The following SLC7A13 variants were observed in gnomAD, a reference collection of about 807,000 sequenced individuals.
SLC7A13 encodes the protein solute carrier family 7 member 13.
Under a neutral mutation model 32.0 loss-of-function variants are expected in SLC7A13, and 31 were observed. The ratio of observed to expected loss-of-function variants is 0.97; its 90% confidence interval spans 0.73 to 1.31. The LOEUF (loss-of-function observed/expected upper bound fraction) is 1.31, where lower values mean the gene tolerates loss of function less well. Among genes scored for constraint, SLC7A13 ranks in the 50% most tolerant of loss-of-function variants. The pLI, the probability that SLC7A13 is intolerant of heterozygous loss-of-function variation, is 0.00. For synonymous variants in SLC7A13, 232 were observed against 206.9 expected (o/e 1.12, Z -1.04); for missense variants, 633 against 546.9 (o/e 1.16, Z -1.57).
chr8:86,223,127 C>A, intron 1 of SLC7A13, 24 bp from the exon 2 acceptor site: 1 of 1,535,526 alleles, frequency 6.5e-7, no homozygotes, highest in Non-Finnish European at 8.7e-7. Context: ...GAGGACACAA[C>A]CATAATTGGT....
chr8:86,226,188 T>G (rs951276506), intron 1 of SLC7A13, among the ~76,000 whole-genome samples: 8 of 152,150 alleles, frequency 5.3e-5, no homozygotes, highest in Non-Finnish European at 1.5e-5. Flanking sequence ...ATGAAACATC[T>G]CTGCAATGGG....
chr8:86,214,706 T>TA (rs1201542603), intron 3 of SLC7A13, 60 bp from the exon 4 acceptor site: 3 of 1,161,654 alleles, frequency 2.6e-6, no homozygotes, highest in East Asian at 2.5e-5. Flanking sequence ...GATACCTGCA[T>TA]ATTCATATAA....
At chr8:86,222,122 G>C (rs1404503946) in intron 2 of SLC7A13, among the ~76,000 whole-genome samples, 1 of 152,030 alleles carries the variant, frequency 6.6e-6, no homozygotes, top group Non-Finnish European at 1.5e-5. Context: ...CATAAGAATT[G>C]AGGCAAAGTT....
intron 1 of SLC7A13, among the ~76,000 whole-genome samples, chr8:86,225,191 CTA>C (rs1358114749): frequency 1.3e-5 from 2 of 152,124 alleles, no homozygotes; most frequent in East Asian, 3.9e-4. Flanking sequence ...TATCATTTGA[CTA>C]TATCAAATTT....
At position 86,217,842 on chromosome 8, in the gene SLC7A13, A is replaced by G. The variant is rs1290686988; in HGVS notation, c.818-11T>C. On this transcript the variant is annotated splice_polypyrimidine_tract_variant and intron_variant, in intron 2 of 3. Transcript: ENST00000297524. ...TGATAGCTACAGCATCTGCAGAAAAACAAAAATACACAAAAGAAAATGTGT... is the reference window on the plus strand; with the variant it reads ...TGATAGCTACAGCATCTGCAGAAAAGCAAAAATACACAAAAGAAAATGTGT... 12 of 1,500,764 alleles carry G rather than the reference A, an allele frequency of 8.0e-6. No homozygotes were observed. The highest frequency in any genetic ancestry group is 9.7e-6 in the Non-Finnish European group (11 of 1,128,454). 93.0% of individuals were successfully genotyped at this position (1,500,764 alleles called of 1,614,324 possible).
chr8:86,222,941 T>C (rs1361918439), intron 2 of SLC7A13, 31 bp downstream of exon 2: 1 of 1,557,928 alleles, frequency 6.4e-7, no homozygotes, highest in South Asian at 1.3e-5. Flanking sequence ...ACCAGCACTT[T>C]ATTTATTGCT....
rs796161504 is a variant in SLC7A13, at chr8:86,227,703, T to C, written c.685+1890A>G. On this transcript the variant is annotated intron_variant, in intron 1 of 3. Coordinates refer to ENST00000297524, the MANE Select transcript of SLC7A13 (RefSeq NM_138817.3). ...ATCAACCTAAGTGTCCATCAATGCA[T>C]GACTGGATTTTTAAAAAATGTGGTA... 2.6e-5 allele frequency among the ~76,000 whole-genome samples: 4 copies of C among 152,270 alleles called. 1 individual carries two copies. Among genetic ancestry groups the C allele is most frequent in the African/African-American group, 9.6e-5 (4 of 41,574 alleles).
chr8:86,214,870 TG>T (rs1352237315), intron 3 of SLC7A13, among the ~76,000 whole-genome samples: 1 of 152,174 alleles, frequency 6.6e-6, no homozygotes, highest in East Asian at 1.9e-4. Flanking sequence ...ATCTAGCATT[TG>T]ACTGCTCATG....
chr8:86,229,391 A>G (rs939178766), intron 1 of SLC7A13, among the ~76,000 whole-genome samples: 1 of 152,226 alleles, frequency 6.6e-6, no homozygotes, highest in Non-Finnish European at 1.5e-5. Flanking sequence ...GAAGTTGTTC[A>G]ATCAAATAAG....
chr8:86,229,691 G>C lies in SLC7A13; in HGVS notation c.587C>G (p.Ala196Gly). 1 of 1,614,142 alleles carries C rather than the reference G, an allele frequency of 6.2e-7. No individual in the cohort carries two copies. Among genetic ancestry groups the C allele is most frequent in the Non-Finnish European group, 8.5e-7 (1 of 1,180,024 alleles). Reference protein sequence around the residue: ...KKENVERFQNAFDAELPDISH... With the variant: ...KKENVERFQNGFDAELPDISH... ...GATATCTGGAAGTTCAGCATCAAAA[G>C]CATTCTGAAATCGTTCTACATTCTC... The change falls in exon 1 of 4, where the codon GCT (alanine) becomes GGT (glycine). Residue 196 changes from alanine to glycine, a missense_variant. By Grantham distance (60) the Ala-to-Gly change is moderately conservative. Transcript: ENST00000297524.
intron 2 of SLC7A13, 58 bp downstream of exon 2, chr8:86,222,914 A>C: frequency 1.4e-6 from 2 of 1,461,128 alleles, no homozygotes; most frequent in South Asian, 3.2e-5. Context: ...TGGTGAAATG[A>C]TAGTTACGTT....
chr8:86,214,602 G>A lies in SLC7A13; in HGVS notation c.1224C>T (p.Gly408=). The part of the protein sequence containing the change: ...FPLATIVIDV[G]LVVIPLVKSP... ...ACTTTACCAATGGTATCACAACCAAGCCCACGTCGATGACTATTGTTGCTA... is the reference window on the plus strand; with the variant it reads ...ACTTTACCAATGGTATCACAACCAAACCCACGTCGATGACTATTGTTGCTA... Residue 408 remains glycine (G), a synonymous_variant, in exon 4 of 4, where the codon GGC becomes GGT. Transcript: ENST00000297524. 6.2e-7 allele frequency: 1 copy of A among 1,613,452 alleles called. No individual in the cohort carries two copies. Among genetic ancestry groups the A allele is most frequent in the Non-Finnish European group, 8.5e-7 (1 of 1,179,714 alleles).
intron 3 of SLC7A13, 35 bp downstream of exon 3, chr8:86,217,435 T>C (rs1820203445): frequency 1.3e-6 from 2 of 1,491,836 alleles, no homozygotes; most frequent in Non-Finnish European, 1.8e-6. Flanking sequence ...ATATCTGTTA[T>C]TTCACACAGA....
rs1478428758 is a variant in SLC7A13, at chr8:86,217,802, C to T, written c.847G>A (p.Ala283Thr). 2.5e-6 allele frequency: 4 copies of T among 1,598,616 alleles called. No individual in the cohort carries two copies. The highest frequency in any genetic ancestry group is 1.1e-5 in the South Asian group (1 of 88,270). The change falls in exon 3 of 4, where the codon GCT becomes ACT. Residue 283 changes from alanine (A) to threonine (T), a missense_variant. Ala to Thr is a moderately conservative substitution (Grantham distance 58). Transcript: ENST00000297524. ...ATAATCCATGCTAATGAGGGAAAAG[C>T]TCGATCAGCCCATGTGATAGCTACA... ...DAVAITWADR[A>T]FPSLAWIMPF...
In SLC7A13 at chr8:86,230,210, A is replaced by C. The variant is rs371390581; in HGVS notation, c.68T>G (p.Leu23Arg). 1.2e-6 allele frequency: 2 copies of C among 1,613,844 alleles called. No individual in the cohort carries two copies. Among genetic ancestry groups the C allele is most frequent in the Non-Finnish European group, 1.7e-6 (2 of 1,179,938 alleles). ...AATTCCTGCACCAATGATATTAATA[A>C]GCAAAAAACTTGTGCCCCACCAATA... ...FGYWWGTSFL[L>R]INIIGAGIFV... Residue 23 changes from leucine (L) to arginine (R), a missense_variant, in exon 1 of 4, where the codon CTT becomes CGT. Transcript: ENST00000297524.
intron 1 of SLC7A13, among the ~76,000 whole-genome samples, chr8:86,226,396 T>C (rs1407938792): frequency 6.6e-6 from 1 of 152,226 alleles, no homozygotes; most frequent in Non-Finnish European, 1.5e-5. Flanking sequence ...CTTCCTCTCA[T>C]GTTCAAAATT....
Position 86,217,609 on chromosome 8 carries a change from C to A in SLC7A13, c.1040G>T (p.Gly347Val). The change falls in exon 3 of 4, where the codon GGA becomes GTA. Residue 347 changes from glycine (G) to valine (V), a missense_variant. Physicochemically the swap from Gly to Val is moderately radical, Grantham distance 109. Coordinates refer to ENST00000297524, the MANE Select transcript of SLC7A13 (RefSeq NM_138817.3). ...FTAVLLLVTLGSLAIILTSLI... is the reference protein window; with the variant it reads ...FTAVLLLVTLVSLAIILTSLI... ...ACTTGTTAAGATAATTGCAAGGGAT[C>A]CCAAAGTGACAAGTAGTAGCACAGC... 2.5e-6 allele frequency: 4 copies of A among 1,613,184 alleles called. No homozygotes were observed. Among genetic ancestry groups the A allele is most frequent in the Non-Finnish European group, 3.4e-6 (4 of 1,179,582 alleles).
chr8:86,228,679 C>G lies in SLC7A13; in HGVS notation c.685+914G>C, dbSNP rs191950854. ...TGGCCAACATGGTGAAAGCCTGTCT[C>G]TACCAAAAATGCAAAAATAAGCCAG... is the stretch of plus-strand genomic sequence containing the variant. On this transcript the variant is annotated intron_variant, in intron 1 of 3. Coordinates refer to ENST00000297524, the MANE Select transcript of SLC7A13 (RefSeq NM_138817.3). 2.1e-3 allele frequency among the ~76,000 whole-genome samples: 314 copies of G among 152,158 alleles called. 1 individual carries two copies. Among genetic ancestry groups the G allele is most frequent in the Non-Finnish European group, 4.0e-3 (270 of 67,998 alleles).
intron 2 of SLC7A13, among the ~76,000 whole-genome samples, chr8:86,219,562 C>A (rs1820252662): frequency 6.6e-6 from 1 of 152,136 alleles, no homozygotes; most frequent in South Asian, 2.1e-4. Context: ...ATGTAACTAC[C>A]ATTAACAGCT....
Sources: allele counts gnomAD v4.1 joint callset (sites outside exome capture counted in the v4.1 genomes callset), GRCh38; gene constraint gnomAD v4.1.1; transcripts MANE v1.5; gene names NCBI Gene and HGNC (gene_info 2026-07-23, HGNC 2026-07-21).